Variants in RASGRF2 observed in about 807,000 individuals in gnomAD.
The protein encoded by RASGRF2 is Ras protein specific guanine nucleotide releasing factor 2, also known as ras-specific guanine nucleotide-releasing factor 2.
RASGRF2 carries 76 observed loss-of-function variants against 151.0 expected under a neutral mutation model. That is an observed-to-expected ratio of 0.50 (90% CI 0.42 to 0.61). RASGRF2 has a LOEUF of 0.61. Among genes scored for constraint, RASGRF2 ranks in the 20% least tolerant of loss-of-function variants. The pLI is 0.00. For missense variants in RASGRF2, 1,148 were observed against 1,564.6 expected, an observed-to-expected ratio of 0.73 and a Z score of 4.49; for synonymous variants, 504 against 566.5, an observed-to-expected ratio of 0.89 and a Z score of 1.57.
intron 12 of RASGRF2, among the ~76,000 whole-genome samples, chr5:81,105,557 C>G (rs1219196136): frequency 6.6e-6 from 1 of 152,146 alleles, no homozygotes; most frequent in Non-Finnish European, 1.5e-5. Flanking sequence ...AGTAACTATG[C>G]CATTTGCTTA....
chr5:81,216,585 C>T (rs914798039), intron 24 of RASGRF2, among the ~76,000 whole-genome samples: 2 of 152,162 alleles, frequency 1.3e-5, no homozygotes, highest in Non-Finnish European at 2.9e-5. Context: ...AAAGTATTTA[C>T]TAAATGACAG....
At chr5:81,189,929 G>A (rs550834325) in intron 18 of RASGRF2, among the ~76,000 whole-genome samples, 153 of 152,000 alleles carry the variant, frequency 1.0e-3, no homozygotes, top group Admixed American at 3.2e-3. Context: ...GACGAGGCTG[G>A]TCTCGAACTC....
At position 81,009,363 on chromosome 5, in the gene RASGRF2, C is replaced by T. The variant is rs546115115; in HGVS notation, c.289-33514C>T. ...GATGTAAGCTTCTAGAGGGTAGGAG[C>T]CATCAACTGCCTAGAATGTCCAGAT... On this transcript the variant is annotated intron_variant, in intron 1 of 26. Transcript: ENST00000265080. Among the ~76,000 whole-genome samples the T allele has an allele frequency of 3.9e-5, 6 of 152,296 alleles. No homozygotes were observed. In the South Asian group the frequency reaches 1.2e-3, roughly 32 times the overall value.
chr5:80,978,706 G>A (rs189206697), intron 1 of RASGRF2, among the ~76,000 whole-genome samples: 1 of 151,978 alleles, frequency 6.6e-6, no homozygotes, highest in Non-Finnish European at 1.5e-5. Flanking sequence ...AGAATCACGT[G>A]AACCCAGGAG....
At chr5:81,209,850 C>T (rs1027101835) in intron 22 of RASGRF2, among the ~76,000 whole-genome samples, 1 of 152,198 alleles carries the variant, frequency 6.6e-6, no homozygotes, top group African/African-American at 2.4e-5. Context: ...GCCAAGCCTG[C>T]TTCTTCATTG....
At chr5:81,034,536 C>T (rs1321434956) in intron 1 of RASGRF2, among the ~76,000 whole-genome samples, 2 of 151,900 alleles carry the variant, frequency 1.3e-5, no homozygotes, top group Non-Finnish European at 2.9e-5. Flanking sequence ...ATAGCAAAGA[C>T]TTGGAACCAA....
chr5:81,192,790 T>C (rs1755178469), intron 18 of RASGRF2, among the ~76,000 whole-genome samples: 3 of 152,234 alleles, frequency 2.0e-5, no homozygotes, highest in South Asian at 4.1e-4. Context: ...GCATATATCA[T>C]GATCATTCAG....
intron 5 of RASGRF2, among the ~76,000 whole-genome samples, chr5:81,077,472 C>G (rs1047806852): frequency 6.6e-6 from 1 of 152,064 alleles, no homozygotes; most frequent in Non-Finnish European, 1.5e-5. Context: ...GAGCCACTGG[C>G]GTGTCTGTAG....
At chr5:81,224,608 T>G (rs1290937330) in intron 26 of RASGRF2, among the ~76,000 whole-genome samples, 1 of 152,242 alleles carries the variant, frequency 6.6e-6, no homozygotes, top group Admixed American at 6.5e-5. Flanking sequence ...CATTTCTAAA[T>G]AATAGCCCCT....
chr5:80,961,145 C>T (rs143632743), intron 1 of RASGRF2, 119 bp downstream of exon 1: 5 of 1,165,254 alleles, frequency 4.3e-6, no homozygotes, highest in Non-Finnish European at 4.6e-6. Context: ...GCTCCGAAAT[C>T]CCCCCGCGTC....
At chr5:81,204,464 T>A (rs1350879466) in intron 19 of RASGRF2, 1 of 152,144 alleles carries the variant, frequency 6.6e-6, no homozygotes, top group African/African-American at 2.4e-5. Context: ...ATAAAGCAAA[T>A]GCTCTTTTGA....
chr5:81,225,141 C>T (rs1755945282), intron 26 of RASGRF2, among the ~76,000 whole-genome samples: 1 of 152,164 alleles, frequency 6.6e-6, no homozygotes, highest in Non-Finnish European at 1.5e-5. Context: ...CACGCATGCA[C>T]TCCAGGAAGC....
At chr5:81,022,891 G>T (rs894299994) in intron 1 of RASGRF2, among the ~76,000 whole-genome samples, 1 of 152,198 alleles carries the variant, frequency 6.6e-6, no homozygotes, top group Non-Finnish European at 1.5e-5. Context: ...AGTGGGTCTA[G>T]TTCTAGGTGA....
Position 81,217,279 on chromosome 5 carries a change from C to A in RASGRF2, c.3435-77C>A, listed in dbSNP as rs960330585. The A allele has an allele frequency of 1.2e-5, 18 of 1,505,780 alleles. No individual in the cohort carries two copies. The African/African-American group carries it at 1.3e-4, about 11-fold the overall frequency. The allele number at this position is 1,505,780 out of a possible 1,614,324, so 93.3% of individuals were successfully genotyped here. A position where few individuals can be genotyped will look rare whatever the true frequency, so the allele number is the denominator to read the frequency against. On this transcript the variant is annotated intron_variant, in intron 24 of 26. Coordinates refer to ENST00000265080, the MANE Select transcript of RASGRF2 (RefSeq NM_006909.3). ...CAGTACCAAAGGAGGATACTTTAAT[C>A]CTCCTTTGTTTAATTTGGGGAGGGA... is the stretch of plus-strand genomic sequence containing the variant.
intron 17 of RASGRF2, among the ~76,000 whole-genome samples, chr5:81,148,082 T>A (rs79271880): frequency 0.025 from 3,840 of 152,262 alleles, 147 homozygotes; most frequent in African/African-American, 0.087. Context: ...ACTAGCATTA[T>A]GGATTTACGA....
chr5:81,192,380 C>T (rs1755169861), intron 18 of RASGRF2, among the ~76,000 whole-genome samples: 2 of 152,194 alleles, frequency 1.3e-5, no homozygotes, highest in Non-Finnish European at 1.5e-5. Flanking sequence ...TATTGCCCTT[C>T]CTTATGTTTT....
rs574653728 is a variant in RASGRF2, at chr5:81,186,698, A to G, written c.2793+6417A>G. Among the ~76,000 whole-genome samples, 7 of 152,290 alleles carry G rather than the reference A, an allele frequency of 4.6e-5. 2 individuals carry two copies. The highest frequency in any genetic ancestry group is 1.4e-4 in the African/African-American group (6 of 41,554). ...AAGACAGGAATTAGCGGATCTCACA[A>G]CCACACTCTAGTCACTCATAGCAGC... On this transcript the variant is annotated intron_variant, in intron 18 of 26. Coordinates refer to ENST00000265080, the MANE Select transcript of RASGRF2 (RefSeq NM_006909.3).
chr5:81,009,557 A>G (rs1256069326), intron 1 of RASGRF2, among the ~76,000 whole-genome samples: 1 of 152,228 alleles, frequency 6.6e-6, no homozygotes, highest in Non-Finnish European at 1.5e-5. Flanking sequence ...CAAGTTATTC[A>G]TGTCTTTCAT....
At position 81,073,426 on chromosome 5, in the gene RASGRF2, C is replaced by G; in HGVS notation, c.861C>G (p.Asp287Glu). 6.2e-7 allele frequency: 1 copy of G among 1,614,022 alleles called. No homozygotes were observed. Among genetic ancestry groups the G allele is most frequent in the South Asian group, 1.1e-5 (1 of 91,058 alleles). Residue 287 changes from aspartate (D) to glutamate (E), a missense_variant, in exon 5 of 27, where the codon GAC becomes GAG. By Grantham distance (45) the Asp-to-Glu change is conservative (BLOSUM62 2). Transcript: ENST00000265080. ...ASSKKPPISH[D>E]DVSSIFLNSE... ...CCAAGAAGCCCCCCATCAGCCACGA[C>G]GACGTCAGCAGTATTTTTCTTAACA... is the stretch of plus-strand genomic sequence containing the variant.
Sources: gnomAD v4.1 joint callset for allele counts (sites outside exome capture counted in the v4.1 genomes callset) on GRCh38, gnomAD v4.1.1 for gene constraint, MANE v1.5 for transcripts, NCBI Gene and HGNC (gene_info 2026-07-23, HGNC 2026-07-21) for gene names.